The following SDK1 variants were observed in gnomAD, a reference collection of about 807,000 sequenced individuals.
SDK1 encodes the protein protein sidekick-1.
SDK1 carries 157 observed loss-of-function variants against 245.5 expected under a neutral mutation model. The ratio of observed to expected loss-of-function variants is 0.64; its 90% CI spans 0.56 to 0.73. The LOEUF (loss-of-function observed/expected upper bound fraction) is 0.73. SDK1 is among the 30% of genes least tolerant of loss of function. SDK1 has a pLI of 0.00. For synonymous variants in SDK1, 1,647 were observed against 1,278.5 expected, an observed-to-expected ratio of 1.29 and a Z score of -6.15; for missense variants, 3,583 against 3,002.3, an observed-to-expected ratio of 1.19 and a Z score of -4.52.
chr7:3,683,429 T>C (rs1315950571), intron 4 of SDK1, among the ~76,000 whole-genome samples: 1 of 152,208 alleles, frequency 6.6e-6, no homozygotes, highest in African/African-American at 2.4e-5. Flanking sequence ...GTTTTAAACA[T>C]GCCCTGTGAG....
intron 2 of SDK1, among the ~76,000 whole-genome samples, chr7:3,635,463 C>T (rs1191485639): frequency 5.9e-5 from 9 of 152,160 alleles, no homozygotes; most frequent in Non-Finnish European, 1.3e-4. Context: ...TGAATAAAAA[C>T]ATGAGCAATT....
chr7:4,253,006 A>T (rs1583181135), intron 44 of SDK1, among the ~76,000 whole-genome samples: 1 of 152,090 alleles, frequency 6.6e-6, no homozygotes, highest in Non-Finnish European at 1.5e-5. Flanking sequence ...TTCATTCCTG[A>T]TTTTAATAAT....
intron 1 of SDK1, among the ~76,000 whole-genome samples, chr7:3,583,669 TA>T (rs2128633464): frequency 6.6e-6 from 1 of 151,604 alleles, no homozygotes; most frequent in East Asian, 2.0e-4. Flanking sequence ...GAGAGGGAAA[TA>T]AAACAAGTAG....
intron 1 of SDK1, among the ~76,000 whole-genome samples, chr7:3,316,790 G>A (rs973166444): frequency 6.6e-6 from 1 of 152,128 alleles, no homozygotes; most frequent in Non-Finnish European, 1.5e-5. Flanking sequence ...AGTTTCTCCT[G>A]AAGTCTACAG....
Position 4,196,775 on chromosome 7 carries a change from C to A in SDK1, c.5099-9104C>A, listed in dbSNP as rs539288719. 3.9e-5 allele frequency among the ~76,000 whole-genome samples: 6 copies of A among 152,336 alleles called. No homozygotes were observed. In the South Asian group the frequency reaches 1.2e-3, roughly 32 times the overall value. On this transcript the variant is annotated intron_variant, in intron 35 of 44. Coordinates refer to ENST00000404826, the MANE Select transcript of SDK1 (RefSeq NM_152744.4). ...GACAAGTGGCTGATGCCATCCCAGG[C>A]ACACAGATCCTACCTCATGAGCCAG...
chr7:3,707,283 T>G (rs1784918014), intron 4 of SDK1, among the ~76,000 whole-genome samples: 1 of 152,228 alleles, frequency 6.6e-6, no homozygotes, highest in Admixed American at 6.5e-5. Flanking sequence ...AATTTTTAAA[T>G]TTCCATCTTG....
chr7:3,587,193 A>G (rs867537739), intron 1 of SDK1, among the ~76,000 whole-genome samples: 23 of 152,194 alleles, frequency 1.5e-4, no homozygotes, highest in Middle Eastern at 3.2e-3. Flanking sequence ...TTAGCGGTCA[A>G]TTTGAGGCCA....
At chr7:4,200,094 C>T (rs1429353122) in intron 35 of SDK1, among the ~76,000 whole-genome samples, 1 of 152,122 alleles carries the variant, frequency 6.6e-6, no homozygotes, top group Non-Finnish European at 1.5e-5. Flanking sequence ...TACTCCATCC[C>T]CCCACCCCAC....
At chr7:3,647,315 G>A (rs1034695789) in intron 4 of SDK1, among the ~76,000 whole-genome samples, 8 of 152,070 alleles carry the variant, frequency 5.3e-5, no homozygotes, top group Admixed American at 3.3e-4. Flanking sequence ...AAAAAATAAC[G>A]TCTTCCAAAG....
intron 1 of SDK1, among the ~76,000 whole-genome samples, chr7:3,537,003 A>G (rs1415991576): frequency 6.6e-6 from 1 of 152,162 alleles, no homozygotes; most frequent in Non-Finnish European, 1.5e-5. Context: ...TTGAAGTATA[A>G]TTTACACATA....
At chr7:3,333,967 C>T (rs1780134782) in intron 1 of SDK1, among the ~76,000 whole-genome samples, 1 of 152,190 alleles carries the variant, frequency 6.6e-6, no homozygotes, top group African/African-American at 2.4e-5. Flanking sequence ...GCCCCAGAAC[C>T]ACACCACCTT....
At chr7:4,166,716 C>G (rs370150259) in intron 32 of SDK1, among the ~76,000 whole-genome samples, 3 of 152,146 alleles carry the variant, frequency 2.0e-5, no homozygotes, top group Non-Finnish European at 4.4e-5. Context: ...CCACGGTGGC[C>G]GGATCAGATT....
chr7:3,612,453 C>G (rs754818249), intron 1 of SDK1, among the ~76,000 whole-genome samples: 5 of 152,096 alleles, frequency 3.3e-5, no homozygotes, highest in Non-Finnish European at 7.4e-5. Context: ...AAATTCCTGG[C>G]TTCAATAGGT....
At position 4,207,993 on chromosome 7, in the gene SDK1, G is replaced by T. The variant is rs945472619; in HGVS notation, c.5215-106G>T. ...TCCACCTTCCCACCCAGCACAGCTC[G>T]CCCCAGAACTCAGCTCACCCCCTCG... On this transcript the variant is annotated intron_variant, in intron 36 of 44. Coordinates refer to ENST00000404826, the MANE Select transcript of SDK1 (RefSeq NM_152744.4). 1.2e-5 allele frequency: 10 copies of T among 805,246 alleles called. No homozygotes were observed. The Admixed American group carries it at 1.4e-4, about 11-fold the overall frequency. 49.9% of individuals were successfully genotyped at this position (805,246 alleles called of 1,614,324 possible).
rs1440064397 is a variant in SDK1 at position 4,025,742 on chromosome 7, A to C, written c.2602+8390A>C. 2.0e-5 allele frequency among the ~76,000 whole-genome samples: 3 copies of C among 152,168 alleles called. No individual in the cohort carries two copies. In the East Asian group the frequency reaches 5.8e-4, roughly 29 times the overall value. On this transcript the variant is annotated intron_variant, in intron 17 of 44. Transcript: ENST00000404826. ...CACAGGGCTTATTGTTCCTGTTTCAACACCCAGTGCTGCACCACTTTAATC... is the reference window on the plus strand; with the variant it reads ...CACAGGGCTTATTGTTCCTGTTTCACCACCCAGTGCTGCACCACTTTAATC...
chr7:3,967,524 A>G, intron 10 of SDK1, 90 bp downstream of exon 10: 2 of 807,794 alleles, frequency 2.5e-6, no homozygotes. Flanking sequence ...TCTCTTGTTT[A>G]TTCACTTATG....
chr7:3,590,809 G>A (rs550175214), intron 1 of SDK1, among the ~76,000 whole-genome samples: 6 of 141,906 alleles, frequency 4.2e-5, no homozygotes, highest in African/African-American at 8.0e-5. Context: ...TTAAGGCCTG[G>A]TCTTGCTCTG....
intron 1 of SDK1, among the ~76,000 whole-genome samples, chr7:3,419,966 GTAA>G (rs1295091708): frequency 1.3e-5 from 2 of 152,156 alleles, no homozygotes; most frequent in Non-Finnish European, 2.9e-5. Context: ...TCAGAAGTAG[GTAA>G]TAATGAGAAA....
chr7:3,841,899 C>T (rs1339358218), intron 5 of SDK1, among the ~76,000 whole-genome samples: 1 of 152,132 alleles, frequency 6.6e-6, no homozygotes, highest in Non-Finnish European at 1.5e-5. Flanking sequence ...TGGCCAGATG[C>T]AAGACCGACC....
Sources: allele counts gnomAD v4.1 joint callset (sites outside exome capture counted in the v4.1 genomes callset), GRCh38; gene constraint gnomAD v4.1.1; transcripts MANE v1.5; gene names NCBI Gene and HGNC (gene_info 2026-07-23, HGNC 2026-07-21).